Variants in EPM2A observed in about 807,000 individuals in gnomAD.
EPM2A encodes the protein EPM2A glucan phosphatase, laforin.
In EPM2A, 21 loss-of-function variants were observed where a neutral mutation model predicts 26.5. That is an observed-to-expected ratio of 0.79 (90% confidence interval 0.56 to 1.14). The LOEUF is 1.14. Among genes scored for constraint, EPM2A ranks in the 50% most tolerant of loss-of-function variants. EPM2A has a pLI of 0.00. For synonymous variants in EPM2A, 217 were observed against 177.6 expected, an observed-to-expected ratio of 1.22 and a Z score of -1.76; for missense variants, 458 against 440.8, an observed-to-expected ratio of 1.04 and a Z score of -0.35.
intron 2 of EPM2A, among the ~76,000 whole-genome samples, chr6:145,549,925 A>C (rs1426522990): frequency 6.6e-6 from 1 of 152,114 alleles, no homozygotes; most frequent in African/African-American, 2.4e-5. Flanking sequence ...GACATAATCT[A>C]TAATACCTGA....
chr6:145,685,980 G>C, intron 2 of EPM2A, 142 bp downstream of exon 2: 1 of 729,988 alleles, frequency 1.4e-6, no homozygotes, highest in Non-Finnish European at 2.4e-6. Context: ...CTGATTCACT[G>C]TAATTTTCTC....
chr6:145,567,365 C>T (rs2114821056), intron 2 of EPM2A, among the ~76,000 whole-genome samples: 1 of 152,346 alleles, frequency 6.6e-6, no homozygotes, highest in African/African-American at 2.4e-5. Flanking sequence ...CTGCCACACA[C>T]AAGCCTCAAA....
chr6:145,390,358 C>T (rs953324487), intron 4 of EPM2A, among the ~76,000 whole-genome samples: 3 of 151,870 alleles, frequency 2.0e-5, no homozygotes, highest in Non-Finnish European at 2.9e-5. Flanking sequence ...CAGAAACATC[C>T]GGAATAATGT....
At chr6:145,652,502 A>T (rs185185037) in intron 2 of EPM2A, among the ~76,000 whole-genome samples, 2 of 152,274 alleles carry the variant, frequency 1.3e-5, no homozygotes, top group East Asian at 3.9e-4. Context: ...TTGTACTAAA[A>T]TGTAATATAC....
chr6:145,621,399 T>C (rs558247629), downstream of EPM2A, among the ~76,000 whole-genome samples: 107 of 152,350 alleles, frequency 7.0e-4, no homozygotes, highest in African/African-American at 2.4e-3. Context: ...GCAATGAACA[T>C]GGAAGTGCAG....
chr6:145,621,074 C>A (rs552374644), downstream of EPM2A, among the ~76,000 whole-genome samples: 7 of 152,246 alleles, frequency 4.6e-5, no homozygotes, highest in African/African-American at 1.7e-4. Context: ...AAGGTTTGTA[C>A]CATTTGACCA....
intron 1 of EPM2A, among the ~76,000 whole-genome samples, chr6:145,715,895 C>A (rs1359332835): frequency 6.6e-6 from 1 of 152,130 alleles, no homozygotes; most frequent in Admixed American, 6.5e-5. Flanking sequence ...TATTTCATTA[C>A]ATATTACAAT....
chr6:145,646,681 A>G (rs1258490187), intron 2 of EPM2A, among the ~76,000 whole-genome samples: 2 of 151,992 alleles, frequency 1.3e-5, no homozygotes, highest in African/African-American at 4.8e-5. Flanking sequence ...ACTCCTAGAT[A>G]TCTCACTGAC....
chr6:145,612,970 A>G (rs892750364), intron 2 of EPM2A, among the ~76,000 whole-genome samples: 1 of 151,966 alleles, frequency 6.6e-6, no homozygotes, highest in Non-Finnish European at 1.5e-5. Context: ...TAAGACAATA[A>G]TGAAGTTTGC....
intron 2 of EPM2A, among the ~76,000 whole-genome samples, chr6:145,649,582 C>A (rs1057076065): frequency 4.6e-5 from 7 of 152,176 alleles, no homozygotes; most frequent in Non-Finnish European, 8.8e-5. Flanking sequence ...TGGGAACATT[C>A]TTTGGGGAAA....
chr6:145,508,639 C>A (rs1780012215), intron 2 of EPM2A, among the ~76,000 whole-genome samples: 1 of 152,174 alleles, frequency 6.6e-6, no homozygotes, highest in African/African-American at 2.4e-5. Context: ...AATGTCAGCT[C>A]CCTCAGATGA....
intron 2 of EPM2A, among the ~76,000 whole-genome samples, chr6:145,618,766 A>G (rs988486286): frequency 6.6e-6 from 1 of 152,240 alleles, no homozygotes; most frequent in African/African-American, 2.4e-5. Flanking sequence ...TAGCAGTGTG[A>G]GAACAGACTA....
chr6:145,490,582 T>C (rs1029519564), intron 4 of EPM2A: 12 of 691,048 alleles, frequency 1.7e-5, no homozygotes, highest in Non-Finnish European at 2.8e-5. Flanking sequence ...TTCTTCAAGA[T>C]GGTAACAATT....
Position 145,536,716 on chromosome 6 carries a change from A to C in EPM2A, c.341-34141T>G, listed in dbSNP as rs9497341. 5.3e-3 allele frequency among the ~76,000 whole-genome samples: 802 copies of C among 152,306 alleles called. 4 individuals are homozygous for C. The highest frequency in any genetic ancestry group is 0.018 in the African/African-American group (768 of 41,568). The stretch of plus-strand genomic sequence containing the variant: ...AGCTCTCCCCTGAGAGTGGGCAAGG[A>C]TTTGTGCAGTCATCCACACTCAGCC... On this transcript the variant is annotated intron_variant, in intron 2 of 3. Transcript: ENST00000450221.
rs1775844957 is a variant in EPM2A at position 145,626,825 on chromosome 6, T to C, written c.*591A>G. ...ATTCTACTTTAGTTGTTACACAGGG[T>C]TGTTGGGTAGAGAAGGAAGGTGATG... On this transcript the variant is annotated 3_prime_UTR_variant, in exon 4 of 4. Coordinates refer to ENST00000367519, the MANE Select transcript of EPM2A (RefSeq NM_005670.4). The C allele has an allele frequency of 7.1e-6, 7 of 987,438 alleles. No individual in the cohort carries two copies. The South Asian group carries it at 3.3e-4, about 46-fold the overall frequency. The allele number at this position is 987,438 out of a possible 1,614,324, so 61.2% of individuals were successfully genotyped here.
At chr6:145,578,535 G>A (rs971068030) in intron 2 of EPM2A, among the ~76,000 whole-genome samples, 4 of 152,040 alleles carry the variant, frequency 2.6e-5, no homozygotes, top group African/African-American at 4.8e-5. Context: ...TAATGAGATC[G>A]AATTAATAAC....
At chr6:145,631,150 G>C (rs1776222354) in intron 3 of EPM2A, 1 of 151,798 alleles carries the variant, frequency 6.6e-6, no homozygotes, top group African/African-American at 2.4e-5. Flanking sequence ...CTCTCAAGAG[G>C]ACCATGTCTC....
intron 2 of EPM2A, among the ~76,000 whole-genome samples, chr6:145,507,891 G>T (rs189920776): frequency 6.6e-6 from 1 of 152,264 alleles, no homozygotes; most frequent in Non-Finnish European, 1.5e-5. Flanking sequence ...CAGTCTGTGT[G>T]TGTCCTTGGT....
intron 4 of EPM2A, among the ~76,000 whole-genome samples, chr6:145,472,097 C>A (rs1279221497): frequency 6.6e-6 from 1 of 151,476 alleles, no homozygotes; most frequent in African/African-American, 2.4e-5. Context: ...GGGCATCAGT[C>A]AGAGTCATGA....
Sources: gnomAD v4.1 joint callset for allele counts (sites outside exome capture counted in the v4.1 genomes callset) on GRCh38, gnomAD v4.1.1 for gene constraint, MANE v1.5 for transcripts, NCBI Gene and HGNC (gene_info 2026-07-23, HGNC 2026-07-21) for gene names.